Variants in IQCM observed in about 807,000 individuals in gnomAD.
IQCM encodes IQ domain-containing protein M.
IQCM carries 45 observed loss-of-function variants against 57.6 expected under a neutral mutation model. That is an observed-to-expected ratio of 0.78 (90% CI 0.62 to 1.00). The LOEUF (loss-of-function observed/expected upper bound fraction) is 1.00, where lower values mean the gene tolerates loss of function less well. Among genes scored for constraint, IQCM ranks in the 50% least tolerant of loss-of-function variants. The pLI, the probability that IQCM is intolerant of heterozygous loss-of-function variation, is 0.00. For synonymous variants in IQCM, 148 were observed against 158.9 expected (o/e 0.93, Z 0.51); for missense variants, 468 against 511.6 (o/e 0.91, Z 0.82).
At chr4:149,659,776 A>T (rs1022935976) in intron 7 of IQCM, among the ~76,000 whole-genome samples, 8 of 152,016 alleles carry the variant, frequency 5.3e-5, no homozygotes, top group African/African-American at 1.7e-4. Context: ...CTGGCTAGCC[A>T]TATGTAGAAA....
intron 7 of IQCM, among the ~76,000 whole-genome samples, chr4:149,671,947 A>T (rs1198486930): frequency 6.6e-6 from 1 of 152,192 alleles, no homozygotes; most frequent in African/African-American, 2.4e-5. Context: ...ATCAGGCAGC[A>T]ACATTTGCCC....
chr4:149,681,867 T>C (rs1401817684), intron 7 of IQCM, among the ~76,000 whole-genome samples: 1 of 151,182 alleles, frequency 6.6e-6, no homozygotes, highest in African/African-American at 2.4e-5. Flanking sequence ...AATTACAAAT[T>C]TTGTCTTTAT....
At chr4:149,387,912 A>G (rs757864384) in intron 13 of IQCM, among the ~76,000 whole-genome samples, 1 of 152,010 alleles carries the variant, frequency 6.6e-6, no homozygotes, top group Non-Finnish European at 1.5e-5. Flanking sequence ...CTTATTCTGA[A>G]TATCTCACAT....
chr4:149,791,081 A>AAGT (rs1178902356), intron 2 of IQCM, among the ~76,000 whole-genome samples: 4 of 152,210 alleles, frequency 2.6e-5, no homozygotes, highest in African/African-American at 9.6e-5. Flanking sequence ...AGTAATTAAA[A>AAGT]AGTAAAGCAA....
At chr4:149,808,189 G>A (rs1774250336) in intron 2 of IQCM, among the ~76,000 whole-genome samples, 1 of 151,956 alleles carries the variant, frequency 6.6e-6, no homozygotes, top group Non-Finnish European at 1.5e-5. Flanking sequence ...GTGGATAAAA[G>A]GATAAAATGT....
intron 2 of IQCM, among the ~76,000 whole-genome samples, chr4:149,794,888 T>C (rs1230768905): frequency 6.6e-6 from 1 of 152,080 alleles, no homozygotes; most frequent in Non-Finnish European, 1.5e-5. Flanking sequence ...GGCAGGAAAC[T>C]AATAATTAAG....
intron 13 of IQCM, among the ~76,000 whole-genome samples, chr4:149,387,686 C>T (rs538531077): frequency 6.6e-6 from 1 of 151,926 alleles, no homozygotes; most frequent in Admixed American, 6.6e-5. Context: ...TTCTTTATAG[C>T]TTTATTTCAT....
chr4:149,603,847 CTCT>C (rs879401302), intron 8 of IQCM, among the ~76,000 whole-genome samples: 8 of 151,806 alleles, frequency 5.3e-5, no homozygotes, highest in Non-Finnish European at 1.2e-4. Flanking sequence ...ACCCTTTTTC[CTCT>C]TCTTAATATT....
chr4:149,785,865 C>G (rs902400018), intron 2 of IQCM, among the ~76,000 whole-genome samples: 2 of 151,596 alleles, frequency 1.3e-5, no homozygotes, highest in African/African-American at 4.8e-5. Context: ...AAAAACAGGC[C>G]ATGAGCTGAA....
chr4:149,792,210 T>A (rs1772689440), intron 2 of IQCM, among the ~76,000 whole-genome samples: 1 of 152,186 alleles, frequency 6.6e-6, no homozygotes, highest in Admixed American at 6.6e-5. Context: ...GGGGAGCCCA[T>A]ATTTATATTC....
chr4:149,527,212 A>G (rs1194018700), intron 12 of IQCM, among the ~76,000 whole-genome samples: 1 of 152,254 alleles, frequency 6.6e-6, no homozygotes, highest in Non-Finnish European at 1.5e-5. Context: ...TTTCACAAGA[A>G]TAAGAAAGAC....
intron 3 of IQCM, among the ~76,000 whole-genome samples, chr4:149,735,947 C>CTTT (rs142987177): frequency 5.0e-5 from 7 of 139,876 alleles, no homozygotes; most frequent in African/African-American, 7.8e-5. Context: ...TTTCTTTCGA[C>CTTT]TTTTTTTTTT....
intron 5 of IQCM, among the ~76,000 whole-genome samples, chr4:149,706,995 A>G (rs1458821575): frequency 6.6e-6 from 1 of 152,058 alleles, no homozygotes; most frequent in Non-Finnish European, 1.5e-5. Context: ...TTTCCAAGCT[A>G]AAGGAAGAAA....
At chr4:149,762,284 G>A (rs1769598981) in intron 2 of IQCM, among the ~76,000 whole-genome samples, 1 of 151,174 alleles carries the variant, frequency 6.6e-6, no homozygotes, top group African/African-American at 2.4e-5. Flanking sequence ...GTCACGGGTA[G>A]GGAGGACAGG....
At chr4:149,416,316 C>A (rs1302353293) in intron 13 of IQCM, among the ~76,000 whole-genome samples, 1 of 152,002 alleles carries the variant, frequency 6.6e-6, no homozygotes, top group African/African-American at 2.4e-5. Context: ...GAGAAAATAT[C>A]TATTTTTGTA....
chr4:149,540,082 G>T (rs1352205214), intron 12 of IQCM, among the ~76,000 whole-genome samples: 1 of 151,692 alleles, frequency 6.6e-6, no homozygotes, highest in Non-Finnish European at 1.5e-5. Context: ...TAAGGGTAGG[G>T]CCCTACTTCA....
At chr4:149,368,534 G>C (rs2110957643) in intron 13 of IQCM, among the ~76,000 whole-genome samples, 1 of 151,636 alleles carries the variant, frequency 6.6e-6, no homozygotes, top group East Asian at 1.9e-4. Flanking sequence ...TCCATTTTCA[G>C]TTAATAGCTA....
At chr4:149,556,087 A>G (rs961810749) in intron 10 of IQCM, among the ~76,000 whole-genome samples, 1 of 152,210 alleles carries the variant, frequency 6.6e-6, no homozygotes, top group African/African-American at 2.4e-5. Context: ...ATCTTTCACT[A>G]TAAGTCTAAA....
chr4:149,523,084 T>C (rs899187697), intron 12 of IQCM, among the ~76,000 whole-genome samples: 1 of 152,080 alleles, frequency 6.6e-6, no homozygotes, highest in Non-Finnish European at 1.5e-5. Flanking sequence ...GAGGGAGCAA[T>C]TGCTTCCTGG....
Sources: gnomAD v4.1 joint callset for allele counts (sites outside exome capture counted in the v4.1 genomes callset) on GRCh38, gnomAD v4.1.1 for gene constraint, MANE v1.5 for transcripts, NCBI Gene and HGNC (gene_info 2026-07-23, HGNC 2026-07-21) for gene names.